SHISA9: variants seen among roughly 807,000 people sequenced by gnomAD.
The protein encoded by SHISA9 is shisa family member 9.
Under a neutral mutation model 38.0 loss-of-function variants are expected in SHISA9, and 13 were observed. That is an observed-to-expected ratio of 0.34 (90% CI 0.22 to 0.54). The LOEUF (loss-of-function observed/expected upper bound fraction) is 0.54. Among genes scored for constraint, SHISA9 ranks in the 20% least tolerant of loss-of-function variants. SHISA9 has a pLI of 0.91. For missense variants in SHISA9, 538 were observed against 575.8 expected, an observed-to-expected ratio of 0.93 and a Z score of 0.67; for synonymous variants, 275 against 242.0, an observed-to-expected ratio of 1.14 and a Z score of -1.27.
intron 2 of SHISA9, among the ~76,000 whole-genome samples, chr16:13,175,784 C>T (rs1328364545): frequency 1.3e-5 from 2 of 152,188 alleles, no homozygotes; most frequent in Non-Finnish European, 2.9e-5. Flanking sequence ...TCCCCTGCAT[C>T]ACTTTGATAA....
At chr16:13,243,570 G>A (rs2051450631), downstream of SHISA9, among the ~76,000 whole-genome samples, 1 of 152,132 alleles carries the variant, frequency 6.6e-6, no homozygotes, top group Non-Finnish European at 1.5e-5. Context: ...GGAGTCCAAA[G>A]TTTTATCATG....
intron 2 of SHISA9, among the ~76,000 whole-genome samples, chr16:13,177,656 TTTTGTTTG>T (rs958558614): frequency 2.1e-4 from 32 of 151,614 alleles, no homozygotes; most frequent in East Asian, 1.9e-4. Flanking sequence ...TTCACGGTGT[TTTTGTTTG>T]TTTGTTTGTT....
intron 2 of SHISA9, among the ~76,000 whole-genome samples, chr16:13,006,801 A>G (rs560261618): frequency 5.9e-5 from 9 of 152,216 alleles, no homozygotes; most frequent in Admixed American, 3.3e-4. Flanking sequence ...GTTTGACACA[A>G]TTGTCCACTC....
the SHISA9 span, among the ~76,000 whole-genome samples, chr16:13,490,808 A>G: frequency 4.6e-5 from 7 of 152,230 alleles, no homozygotes; most frequent in African/African-American, 1.7e-4. Context: ...TGATGATAAT[A>G]TTACATGTCA....
the SHISA9 span, among the ~76,000 whole-genome samples, chr16:13,469,442 A>AAAGAAAAAGAAAGG: frequency 4.0e-5 from 6 of 150,976 alleles, no homozygotes; most frequent in African/African-American, 1.5e-4. Context: ...AAAGAGAAAG[A>AAAGAAAAAGAAAGG]AAGAGAAAGA....
chr16:13,296,310 A>C, the SHISA9 span, among the ~76,000 whole-genome samples: 883 of 151,738 alleles, frequency 5.8e-3, 7 homozygotes, highest in African/African-American at 0.02. Context: ...AAGTGGTTAC[A>C]TCCTCAAGTT....
At chr16:13,269,572 G>C in the SHISA9 span, among the ~76,000 whole-genome samples, 1 of 152,168 alleles carries the variant, frequency 6.6e-6, no homozygotes, top group Non-Finnish European at 1.5e-5. Context: ...GGTAAGCTTG[G>C]AAAAGCCACT....
rs185621114 is a variant in SHISA9, at chr16:12,923,661, A to G, written c.691+6846A>G. Among the ~76,000 whole-genome samples the G allele has an allele frequency of 3.9e-5, 6 of 152,198 alleles. No individual in the cohort carries two copies. The East Asian group carries it at 1.2e-3, about 29-fold the overall frequency. ...CATGTTTGTGCCTATTTGAAAATAT[A>G]TATAATAACATATTAAAAAATAGAG... On this transcript the variant is annotated intron_variant, in intron 2 of 4. Coordinates refer to ENST00000558583, the MANE Select transcript of SHISA9 (RefSeq NM_001145204.3).
chr16:13,230,994 T>C (rs2051326691), intron 4 of SHISA9, among the ~76,000 whole-genome samples: 1 of 152,204 alleles, frequency 6.6e-6, no homozygotes, highest in Non-Finnish European at 1.5e-5. Flanking sequence ...AACCTGTTTT[T>C]TCAGCAAAGC....
chr16:13,429,089 C>A, the SHISA9 span, among the ~76,000 whole-genome samples: 1 of 152,096 alleles, frequency 6.6e-6, no homozygotes, highest in Non-Finnish European at 1.5e-5. Context: ...GATCACTAGG[C>A]AGCTGGGTGG....
At chr16:13,262,410 T>C in the SHISA9 span, among the ~76,000 whole-genome samples, 6 of 152,296 alleles carry the variant, frequency 3.9e-5, no homozygotes, top group African/African-American at 1.2e-4. Context: ...CCTTCCTCAA[T>C]TGCACTAGTA....
intron 4 of SHISA9, among the ~76,000 whole-genome samples, chr16:13,216,354 T>C (rs898592770): frequency 6.6e-6 from 1 of 152,128 alleles, no homozygotes; most frequent in Non-Finnish European, 1.5e-5. Flanking sequence ...ATCACCTACC[T>C]CCTAGGTCGT....
At chr16:12,919,776 T>A (rs931581764) in intron 2 of SHISA9, among the ~76,000 whole-genome samples, 1 of 152,224 alleles carries the variant, frequency 6.6e-6, no homozygotes, top group African/African-American at 2.4e-5. Context: ...GCGGATGCTG[T>A]TCATGTTCTT....
chr16:13,023,550 G>A (rs912886467), intron 2 of SHISA9, among the ~76,000 whole-genome samples: 4 of 152,144 alleles, frequency 2.6e-5, no homozygotes, highest in Non-Finnish European at 5.9e-5. Context: ...TGGGATTGCT[G>A]GGTCAAATGG....
the SHISA9 span, among the ~76,000 whole-genome samples, chr16:13,393,398 T>G: frequency 6.6e-6 from 1 of 152,234 alleles, no homozygotes; most frequent in Non-Finnish European, 1.5e-5. Flanking sequence ...ACTTTCCCTC[T>G]TTCGATCAGA....
chr16:13,546,413 A>G, the SHISA9 span, among the ~76,000 whole-genome samples: 6 of 152,328 alleles, frequency 3.9e-5, no homozygotes, highest in Middle Eastern at 3.4e-3. Flanking sequence ...AAGGGTGATG[A>G]ATTCCCTCAG....
At chr16:13,485,001 C>T in the SHISA9 span, among the ~76,000 whole-genome samples, 1 of 151,748 alleles carries the variant, frequency 6.6e-6, no homozygotes, top group African/African-American at 2.4e-5. Flanking sequence ...TCAAGTGATG[C>T]TGCAGTAACA....
chr16:12,950,329 G>A (rs1237467382), intron 2 of SHISA9, among the ~76,000 whole-genome samples: 2 of 152,176 alleles, frequency 1.3e-5, no homozygotes, highest in East Asian at 1.9e-4. Flanking sequence ...ATAAACAAGG[G>A]AGTGCATATA....
At chr16:13,156,544 C>T (rs1363206779) in intron 2 of SHISA9, among the ~76,000 whole-genome samples, 2 of 152,018 alleles carry the variant, frequency 1.3e-5, no homozygotes, top group East Asian at 1.9e-4. Context: ...ACCATCTTGG[C>T]TAACATGGTG....
Sources: gnomAD v4.1 joint callset for allele counts (sites outside exome capture counted in the v4.1 genomes callset) on GRCh38, gnomAD v4.1.1 for gene constraint, MANE v1.5 for transcripts, NCBI Gene and HGNC (gene_info 2026-07-23, HGNC 2026-07-21) for gene names.